Variants in KBTBD12 observed in about 807,000 individuals in gnomAD.
KBTBD12 encodes kelch repeat and BTB domain containing 12, also known as kelch repeat and BTB domain-containing protein 12.
KBTBD12 carries 53 observed loss-of-function variants against 58.7 expected under a neutral mutation model. The ratio of observed to expected loss-of-function variants is 0.90; its 90% CI spans 0.72 to 1.14. KBTBD12 has a LOEUF of 1.14. Ranked by LOEUF, KBTBD12 falls within the 50% of genes most tolerant of loss-of-function variation. The pLI, the probability that KBTBD12 is intolerant of heterozygous loss-of-function variation, is 0.00. For synonymous variants in KBTBD12, 236 were observed against 259.8 expected, an observed-to-expected ratio of 0.91 and a Z score of 0.88; for missense variants, 704 against 751.3, an observed-to-expected ratio of 0.94 and a Z score of 0.74.
chr3:127,916,797 C>T (rs554690789), intron 1 of KBTBD12, among the ~76,000 whole-genome samples: 1 of 151,494 alleles, frequency 6.6e-6, no homozygotes, highest in Non-Finnish European at 1.5e-5. Flanking sequence ...AGAATGGGGC[C>T]AAATCCCAGA....
chr3:127,969,551 C>T (rs562060142), intron 5 of KBTBD12, among the ~76,000 whole-genome samples: 1 of 152,280 alleles, frequency 6.6e-6, no homozygotes, highest in African/African-American at 2.4e-5. Flanking sequence ...CCCACACTTC[C>T]TAATTCTGAA....
intron 5 of KBTBD12, among the ~76,000 whole-genome samples, chr3:127,965,319 T>C (rs1940541748): frequency 6.6e-6 from 1 of 152,248 alleles, no homozygotes; most frequent in African/African-American, 2.4e-5. Flanking sequence ...GGACTGGTAA[T>C]GCTTTCAGCC....
intron 4 of KBTBD12, among the ~76,000 whole-genome samples, chr3:127,942,695 T>G (rs1351662923): frequency 6.8e-6 from 1 of 146,070 alleles, no homozygotes; most frequent in Admixed American, 6.8e-5. Flanking sequence ...TATAACTATA[T>G]ATATAACTAT....
chr3:127,916,103 G>T (rs1398568122), intron 1 of KBTBD12, among the ~76,000 whole-genome samples: 10 of 152,306 alleles, frequency 6.6e-5, no homozygotes, highest in Admixed American at 5.9e-4. Flanking sequence ...GCTATAATGC[G>T]GATTAAAGCA....
intron 5 of KBTBD12, among the ~76,000 whole-genome samples, chr3:127,979,510 A>G (rs1261194450): frequency 6.6e-6 from 1 of 152,228 alleles, no homozygotes; most frequent in Admixed American, 6.5e-5. Context: ...GCCCAACACA[A>G]CACAATGGTC....
chr3:127,943,811 C>T (rs998217144), intron 4 of KBTBD12, among the ~76,000 whole-genome samples: 1 of 152,080 alleles, frequency 6.6e-6, no homozygotes. Context: ...CGAGTTTTAC[C>T]ATTTCAGGTC....
chr3:127,971,395 T>C (rs1051432057), intron 5 of KBTBD12, among the ~76,000 whole-genome samples: 3 of 152,166 alleles, frequency 2.0e-5, no homozygotes, highest in Non-Finnish European at 2.9e-5. Flanking sequence ...AGGATTCTTG[T>C]ATATCTCACA....
At chr3:127,917,832 G>A (rs921132839) in intron 1 of KBTBD12, among the ~76,000 whole-genome samples, 2 of 152,174 alleles carry the variant, frequency 1.3e-5, no homozygotes, top group African/African-American at 4.8e-5. Flanking sequence ...TCATTAACTT[G>A]TAATTTAGGA....
intron 3 of KBTBD12, 79 bp downstream of exon 3, chr3:127,928,113 G>C: frequency 8.0e-7 from 1 of 1,243,514 alleles, no homozygotes; most frequent in Non-Finnish European, 1.2e-6. Flanking sequence ...TGTAGTTGTT[G>C]AATGCTAAAA....
intron 5 of KBTBD12, among the ~76,000 whole-genome samples, chr3:127,982,109 G>T (rs1576398872): frequency 6.6e-6 from 1 of 152,120 alleles, no homozygotes; most frequent in Admixed American, 6.5e-5. Flanking sequence ...CAGCATTAAA[G>T]GTTCCTTTCC....
Position 127,927,840 on chromosome 3 carries a change from A to G in KBTBD12, c.1147A>G (p.Ile383Val), listed in dbSNP as rs1193379778. The G allele has an allele frequency of 1.2e-6, 2 of 1,612,024 alleles. No individual in the cohort carries two copies. Among genetic ancestry groups the G allele is most frequent in the Non-Finnish European group, 8.5e-7 (1 of 1,178,882 alleles). The change falls in exon 3 of 6, where the codon ATT (isoleucine) becomes GTT (valine). Residue 383 changes from isoleucine to valine, a missense_variant. Ile to Val is a conservative substitution (Grantham distance 29, BLOSUM62 3). Transcript: ENST00000405109. ...EFRELYALGS[I>V]HNDLYVIGGQ... ...TCGAGAACTCTATGCTCTGGGCAGTATTCATAATGACCTTTATGTTATAGG... is the reference window on the plus strand; with the variant it reads ...TCGAGAACTCTATGCTCTGGGCAGTGTTCATAATGACCTTTATGTTATAGG...
rs1429931643 is a variant in KBTBD12 at position 127,945,885 on chromosome 3, G to T, written c.1492+15602G>T. ...GTAGAGATGGGGTTTCACCATGTTG[G>T]CCAGGCTGGTCTTGAACTCCTGGAC... On this transcript the variant is annotated intron_variant, in intron 4 of 5. Transcript: ENST00000405109. 3.0e-4 allele frequency among the ~76,000 whole-genome samples: 46 copies of T among 151,838 alleles called. 1 individual carries two copies. The highest frequency in any genetic ancestry group is 3.0e-3 in the Admixed American group (46 of 15,254).
At chr3:127,952,700 C>T (rs977926605) in intron 4 of KBTBD12, among the ~76,000 whole-genome samples, 5 of 152,188 alleles carry the variant, frequency 3.3e-5, no homozygotes, top group African/African-American at 1.2e-4. Context: ...TTTTACATTG[C>T]TCAGGGTTTT....
At chr3:127,917,820 TATC>T (rs1486395488) in intron 1 of KBTBD12, among the ~76,000 whole-genome samples, 5 of 152,246 alleles carry the variant, frequency 3.3e-5, no homozygotes, top group African/African-American at 9.6e-5. Context: ...AGAGAAAAGT[TATC>T]ATTAACTTGT....
chr3:127,941,503 C>A (rs1939949371), intron 4 of KBTBD12, among the ~76,000 whole-genome samples: 1 of 152,114 alleles, frequency 6.6e-6, no homozygotes, highest in Non-Finnish European at 1.5e-5. Flanking sequence ...CTCAGCAAAC[C>A]AAGAAGATAC....
At chr3:127,963,430 G>C (rs1178380156) in intron 5 of KBTBD12, 44 bp downstream of exon 5, 1 of 1,496,618 alleles carries the variant, frequency 6.7e-7, no homozygotes, top group Non-Finnish European at 9.0e-7. Context: ...CTTTGGTGTT[G>C]ATTTGACTTT....
intron 4 of KBTBD12, among the ~76,000 whole-genome samples, chr3:127,945,515 G>A (rs1163659611): frequency 2.0e-5 from 3 of 151,650 alleles, no homozygotes; most frequent in African/African-American, 7.3e-5. Flanking sequence ...TGATGTCTCT[G>A]TGGTTTTGAT....
At chr3:127,934,240 T>C (rs755533457) in intron 4 of KBTBD12, among the ~76,000 whole-genome samples, 8 of 152,196 alleles carry the variant, frequency 5.3e-5, no homozygotes, top group Admixed American at 6.5e-5. Context: ...CACTTTGATA[T>C]TGATAAAGAA....
intron 4 of KBTBD12, among the ~76,000 whole-genome samples, chr3:127,944,874 T>G (rs908022565): frequency 6.6e-6 from 1 of 151,944 alleles, no homozygotes; most frequent in African/African-American, 2.4e-5. Flanking sequence ...ATTTTATTTT[T>G]TGTTATTTAT....
Sources: allele counts gnomAD v4.1 joint callset (sites outside exome capture counted in the v4.1 genomes callset), GRCh38; gene constraint gnomAD v4.1.1; transcripts MANE v1.5; gene names NCBI Gene and HGNC (gene_info 2026-07-23, HGNC 2026-07-21).